The following GSK3B variants were observed in gnomAD, a reference collection of about 807,000 sequenced individuals.
The protein encoded by GSK3B is glycogen synthase kinase-3 beta.
In GSK3B, 15 loss-of-function variants were observed where a neutral mutation model predicts 56.4. That is an observed-to-expected ratio of 0.27 (90% CI 0.18 to 0.41). GSK3B has a LOEUF of 0.41. Ranked by LOEUF, GSK3B falls within the 10% of genes least tolerant of loss-of-function variation. The pLI is 1.00. For missense variants in GSK3B, 300 were observed against 513.4 expected (o/e 0.58, Z 4.02); for synonymous variants, 181 against 188.9 (o/e 0.96, Z 0.34).
chr3:120,053,353 T>C (rs1261588771), intron 1 of GSK3B, among the ~76,000 whole-genome samples: 2 of 151,996 alleles, frequency 1.3e-5, no homozygotes, highest in African/African-American at 2.4e-5. Flanking sequence ...AAAAGAAAAC[T>C]ACATCTATCA....
intron 2 of GSK3B, among the ~76,000 whole-genome samples, chr3:119,989,590 A>C (rs1480445087): frequency 6.6e-6 from 1 of 151,280 alleles, no homozygotes. Context: ...GGTTGCATTG[A>C]GCTGAGATTG....
chr3:119,893,052 G>C (rs1404214263), intron 7 of GSK3B, among the ~76,000 whole-genome samples: 1 of 152,056 alleles, frequency 6.6e-6, no homozygotes, highest in Non-Finnish European at 1.5e-5. Context: ...CTGTCAGCCT[G>C]GTTGGTGTGC....
chr3:119,911,184 T>C lies in GSK3B; in HGVS notation c.715+1520A>G, dbSNP rs1012773110. Among the ~76,000 whole-genome samples the C allele has an allele frequency of 3.4e-4, 51 of 152,222 alleles. 1 individual carries two copies. Among genetic ancestry groups the C allele is most frequent in the Non-Finnish European group, 2.9e-5 (2 of 68,028 alleles). ...GACTAATCACTATCTAGGGCAGCTA[T>C]AGCCTTACAAATGTATTTCTCAACC... On this transcript the variant is annotated intron_variant, in intron 6 of 10. Transcript: ENST00000264235.
intron 4 of GSK3B, among the ~76,000 whole-genome samples, chr3:119,919,754 C>G (rs1457504768): frequency 5.9e-5 from 9 of 151,646 alleles, no homozygotes; most frequent in Admixed American, 5.9e-4. Context: ...CAACAAAAAA[C>G]AAGAGGAAAA....
intron 4 of GSK3B, among the ~76,000 whole-genome samples, chr3:119,919,732 C>A (rs976124725): frequency 6.6e-6 from 1 of 151,586 alleles, no homozygotes; most frequent in African/African-American, 2.4e-5. Flanking sequence ...ATAGCAAAAA[C>A]CAAAAAAACC....
At chr3:119,953,612 T>C (rs938607852) in intron 2 of GSK3B, among the ~76,000 whole-genome samples, 2 of 152,160 alleles carry the variant, frequency 1.3e-5, no homozygotes, top group African/African-American at 4.8e-5. Flanking sequence ...GCCTCTCCTT[T>C]TCAGTTTAGT....
chr3:120,015,434 A>T (rs537116778), intron 1 of GSK3B, among the ~76,000 whole-genome samples: 14 of 151,976 alleles, frequency 9.2e-5, no homozygotes, highest in Middle Eastern at 3.4e-3. Context: ...GTGGATCATG[A>T]GGTCAGGAGT....
intron 10 of GSK3B, among the ~76,000 whole-genome samples, chr3:119,828,411 C>T (rs2055548828): frequency 6.6e-6 from 1 of 152,178 alleles, no homozygotes; most frequent in Admixed American, 6.5e-5. Context: ...AGATTTCACA[C>T]TAAGCCCTGA....
intron 2 of GSK3B, among the ~76,000 whole-genome samples, chr3:119,978,106 G>A (rs967079365): frequency 1.3e-5 from 2 of 152,100 alleles, no homozygotes; most frequent in Non-Finnish European, 2.9e-5. Context: ...ACCTTAATAA[G>A]AAACTGCCTA....
Position 120,039,380 on chromosome 3 carries a change from G to C in GSK3B, c.89-37141C>G, listed in dbSNP as rs139535548. Among the ~76,000 whole-genome samples, 651 of 152,274 alleles carry C rather than the reference G, an allele frequency of 4.3e-3. 1 individual carries two copies. The highest frequency in any genetic ancestry group is 0.015 in the African/African-American group (615 of 41,550). On this transcript the variant is annotated intron_variant, in intron 1 of 10. Coordinates refer to ENST00000264235, the MANE Select transcript of GSK3B (RefSeq NM_001146156.2). ...GTGAGTTGAAAACTTATGTCTGTAA[G>C]ATACAATGAATTTTTCTGAATTTCT... is the stretch of plus-strand genomic sequence containing the variant.
intron 2 of GSK3B, among the ~76,000 whole-genome samples, chr3:119,982,569 C>T (rs2057473903): frequency 6.6e-6 from 1 of 152,116 alleles, no homozygotes; most frequent in South Asian, 2.1e-4. Flanking sequence ...ATGACATATG[C>T]ACAAGCTTCA....
chr3:120,066,574 T>A (rs965098916), intron 1 of GSK3B, among the ~76,000 whole-genome samples: 3 of 152,172 alleles, frequency 2.0e-5, no homozygotes, highest in African/African-American at 7.2e-5. Context: ...TTTCTTAGGA[T>A]AATAATAAAA....
chr3:120,015,759 C>T (rs557075093), intron 1 of GSK3B, among the ~76,000 whole-genome samples: 38 of 150,546 alleles, frequency 2.5e-4, no homozygotes, highest in African/African-American at 9.3e-4. Context: ...AGGTTTGCCA[C>T]AGACTTTGTA....
intron 3 of GSK3B, among the ~76,000 whole-genome samples, chr3:119,946,257 A>G (rs922826099): frequency 6.6e-6 from 1 of 152,184 alleles, no homozygotes; most frequent in South Asian, 2.1e-4. Context: ...TATAATAGGC[A>G]CTGTAATGTA....
rs180865058 is a variant in GSK3B at position 119,930,748 on chromosome 3, C to T, written c.367-7265G>A. On this transcript the variant is annotated intron_variant, in intron 3 of 10. Coordinates refer to ENST00000264235, the MANE Select transcript of GSK3B (RefSeq NM_001146156.2). Reference sequence around the variant, plus strand: ...CTCAAAAAGAAAAAACACTGAGATGCAACCAATAAAAAACATCATGCAACA... The same window carrying T: ...CTCAAAAAGAAAAAACACTGAGATGTAACCAATAAAAAACATCATGCAACA... Among the ~76,000 whole-genome samples, 5 of 152,176 alleles carry T rather than the reference C, an allele frequency of 3.3e-5. No homozygotes were observed. In the East Asian group the frequency reaches 7.7e-4, roughly 23 times the overall value.
intron 3 of GSK3B, among the ~76,000 whole-genome samples, chr3:119,931,481 T>C (rs1206914452): frequency 6.6e-6 from 1 of 152,172 alleles, no homozygotes; most frequent in East Asian, 1.9e-4. Flanking sequence ...CCAGGCGTGG[T>C]GGCATGCACC....
Position 119,895,130 on chromosome 3 carries a change from G to A in GSK3B, c.813+10625C>T, listed in dbSNP as rs151097795. Among the ~76,000 whole-genome samples, 76 of 152,112 alleles carry A rather than the reference G, an allele frequency of 5.0e-4. No homozygotes were observed. The East Asian group carries it at 0.014, about 28-fold the overall frequency. On this transcript the variant is annotated intron_variant, in intron 7 of 10. Transcript: ENST00000264235. ...AAACACTATTCTTCTCTCTCCTTCT[G>A]GAATTCAATCGTTTCAGAATCCACA...
chr3:119,896,041 C>T (rs551528327), intron 7 of GSK3B, among the ~76,000 whole-genome samples: 1 of 150,000 alleles, frequency 6.7e-6, no homozygotes, highest in African/African-American at 2.5e-5. Flanking sequence ...GGTGGGAGGA[C>T]AGCTTGAGCC....
At chr3:119,924,098 A>G (rs1447950182) in intron 3 of GSK3B, among the ~76,000 whole-genome samples, 4 of 152,258 alleles carry the variant, frequency 2.6e-5, no homozygotes, top group Non-Finnish European at 4.4e-5. Flanking sequence ...AAAATAACCT[A>G]TAAGGCAACG....
Sources: gnomAD v4.1 joint callset for allele counts (sites outside exome capture counted in the v4.1 genomes callset) on GRCh38, gnomAD v4.1.1 for gene constraint, MANE v1.5 for transcripts, NCBI Gene and HGNC (gene_info 2026-07-23, HGNC 2026-07-21) for gene names.